DSCAML1: variants seen among roughly 807,000 people sequenced by gnomAD.
DSCAML1 encodes cell adhesion molecule DSCAML1.
In DSCAML1, 38 loss-of-function variants were observed where a neutral mutation model predicts 200.5. The ratio of observed to expected loss-of-function variants is 0.19; its 90% CI spans 0.15 to 0.25. DSCAML1 has a LOEUF of 0.25. DSCAML1 is among the 10% of genes least tolerant of loss of function. DSCAML1 has a pLI of 1.00. For synonymous variants in DSCAML1, 1,215 were observed against 1,165.0 expected (o/e 1.04, Z -0.87); for missense variants, 2,223 against 2,858.8 (o/e 0.78, Z 5.07).
At chr11:117,749,175 C>A (rs1408159799) in intron 3 of DSCAML1, among the ~76,000 whole-genome samples, 1 of 152,186 alleles carries the variant, frequency 6.6e-6, no homozygotes, top group Admixed American at 6.5e-5. Flanking sequence ...GCCCTGGTTC[C>A]CTGGTCCCAA....
At position 117,505,131 on chromosome 11, in the gene DSCAML1, C is replaced by T; in HGVS notation, c.2063-88G>A. The T allele has an allele frequency of 1.3e-6, 2 of 1,528,108 alleles. No individual in the cohort carries two copies. Among genetic ancestry groups the T allele is most frequent in the Non-Finnish European group, 1.8e-6 (2 of 1,133,148 alleles). The allele number at this position is 1,528,108 out of a possible 1,614,324, so 94.7% of individuals were successfully genotyped here. The stretch of plus-strand genomic sequence containing the variant: ...TCGAGCACCTTCTGTTTGAGGTCAG[C>T]CCTGCCCGGGCCATTATAAAGTTGG... On this transcript the variant is annotated intron_variant, in intron 9 of 32. Transcript: ENST00000651296. This position sits in a 1 kb window ranked among gnomAD's most constrained non-coding sequence, Gnocchi z 6.7.
chr11:117,481,833 AG>A (rs1387293382), intron 12 of DSCAML1, 129 bp downstream of exon 12: 2 of 913,126 alleles, frequency 2.2e-6, no homozygotes, highest in African/African-American at 3.4e-5. Flanking sequence ...GGGAAAGGGG[AG>A]GTACATTTTT....
chr11:117,496,242 G>T (rs2049286477), intron 11 of DSCAML1, among the ~76,000 whole-genome samples: 1 of 152,184 alleles, frequency 6.6e-6, no homozygotes, highest in African/African-American at 2.4e-5. Flanking sequence ...TGTTCCTGGA[G>T]GGCAGGGAGG....
chr11:117,812,393 A>G (rs1413236727), intron 1 of DSCAML1, among the ~76,000 whole-genome samples: 1 of 152,124 alleles, frequency 6.6e-6, no homozygotes, highest in Non-Finnish European at 1.5e-5. Context: ...AAGCCTTACA[A>G]GTTAGTTCAG....
At chr11:117,745,808 A>G (rs1353657672) in intron 3 of DSCAML1, among the ~76,000 whole-genome samples, 1 of 152,200 alleles carries the variant, frequency 6.6e-6, no homozygotes, top group Admixed American at 6.5e-5. Flanking sequence ...GTTCCTTGAC[A>G]TCTCCGTGCC....
chr11:117,745,179 G>A lies in DSCAML1; in HGVS notation c.511+31612C>T, dbSNP rs146781782. ...ATCTGGGTGGGGGGGATGACAGCTG[G>A]GAGGGGCACGTGGGAGGCTCACGGA... On this transcript the variant is annotated intron_variant, in intron 3 of 32. Transcript: ENST00000651296. Among the ~76,000 whole-genome samples, 1,329 of 151,452 alleles carry A rather than the reference G, an allele frequency of 8.8e-3. 17 individuals are homozygous for A. The highest frequency in any genetic ancestry group is 0.029 in the East Asian group (149 of 5,096).
chr11:117,513,754 A>G (rs995885962), intron 8 of DSCAML1, among the ~76,000 whole-genome samples: 1 of 151,876 alleles, frequency 6.6e-6, no homozygotes, highest in Non-Finnish European at 1.5e-5. Context: ...AAAAAAAAAA[A>G]AAAAAAAGTC....
At chr11:117,564,642 T>C (rs912310552) in intron 3 of DSCAML1, among the ~76,000 whole-genome samples, 3 of 151,562 alleles carry the variant, frequency 2.0e-5, no homozygotes. Flanking sequence ...TCTCTCTCTC[T>C]CTTTCTTTCT....
rs1457498963 is a variant in DSCAML1 at position 117,470,044 on chromosome 11, T to C, written c.2954-64A>G. On this transcript the variant is annotated intron_variant, in intron 15 of 32. Transcript: ENST00000651296. ...AGACTTGGAAGAGGAAGGGGTTCTA[T>C]GTTCCCACTCCCACCCTCCTGAGCT... The C allele has an allele frequency of 1.0e-5, 15 of 1,446,100 alleles. No individual in the cohort carries two copies. In the African/African-American group the frequency reaches 1.7e-4, roughly 16 times the overall value. 89.6% of individuals were successfully genotyped at this position (1,446,100 alleles called of 1,614,324 possible).
chr11:117,517,070 G>A (rs1317574186), intron 7 of DSCAML1, among the ~76,000 whole-genome samples: 1 of 152,132 alleles, frequency 6.6e-6, no homozygotes, highest in Non-Finnish European at 1.5e-5. Context: ...GAAGTGACTG[G>A]GATTTGGGAG....
At chr11:117,775,062 T>C (rs1246050372) in intron 3 of DSCAML1, among the ~76,000 whole-genome samples, 1 of 152,226 alleles carries the variant, frequency 6.6e-6, no homozygotes, top group African/African-American at 2.4e-5. Context: ...TTTATGTTCT[T>C]TAAATCACCT....
At chr11:117,635,921 C>T (rs2052273319) in intron 3 of DSCAML1, among the ~76,000 whole-genome samples, 1 of 152,124 alleles carries the variant, frequency 6.6e-6, no homozygotes, top group Non-Finnish European at 1.5e-5. Flanking sequence ...AAGGACTTGT[C>T]CAGGGGTGAG....
intron 11 of DSCAML1, among the ~76,000 whole-genome samples, chr11:117,493,295 G>A (rs1295927461): frequency 6.6e-6 from 1 of 150,596 alleles, no homozygotes; most frequent in Non-Finnish European, 1.5e-5. Flanking sequence ...TGGGGACCCA[G>A]TTTTCCCCCT....
chr11:117,596,510 T>C (rs554716665), intron 3 of DSCAML1, among the ~76,000 whole-genome samples: 63 of 152,130 alleles, frequency 4.1e-4, no homozygotes, highest in Non-Finnish European at 8.4e-4. Context: ...ATTTCTATGT[T>C]TGGGTGAAAT....
At chr11:117,633,131 G>T (rs542765674) in intron 3 of DSCAML1, among the ~76,000 whole-genome samples, 75 of 152,168 alleles carry the variant, frequency 4.9e-4, no homozygotes, top group Admixed American at 1.0e-3. Flanking sequence ...GAATTTGGGG[G>T]TGACAACTCC....
rs532380746 is a variant in DSCAML1, at chr11:117,642,978, C to T, written c.512-110456G>A. Reference sequence around the variant, plus strand: ...GAAACGCAAAACTCCTTTGATTTGCCTGTATTGCAATCTTCACTGAAACCT... The same window carrying T: ...GAAACGCAAAACTCCTTTGATTTGCTTGTATTGCAATCTTCACTGAAACCT... On this transcript the variant is annotated intron_variant, in intron 3 of 32. Coordinates refer to ENST00000651296, the MANE Select transcript of DSCAML1 (RefSeq NM_020693.4). This position sits in a 1 kb window ranked among gnomAD's most constrained non-coding sequence, Gnocchi z 4.1. Among the ~76,000 whole-genome samples the T allele has an allele frequency of 3.0e-4, 46 of 152,268 alleles. 2 individuals carry two copies. The South Asian group carries it at 8.9e-3, about 30-fold the overall frequency.
intron 1 of DSCAML1, among the ~76,000 whole-genome samples, chr11:117,810,512 G>A (rs139483480): frequency 0.014 from 2,109 of 151,678 alleles, 48 homozygotes; most frequent in African/African-American, 0.049. Flanking sequence ...CCCCTTCTCC[G>A]TATCTCTACT....
intron 3 of DSCAML1, among the ~76,000 whole-genome samples, chr11:117,649,034 C>CACAT (rs1555194451): frequency 8.1e-6 from 1 of 123,040 alleles, no homozygotes; most frequent in Non-Finnish European, 1.7e-5. Flanking sequence ...TCTCTCTCTC[C>CACAT]ATATATATGT....
At chr11:117,700,367 C>G (rs2053645925) in intron 3 of DSCAML1, among the ~76,000 whole-genome samples, 1 of 152,194 alleles carries the variant, frequency 6.6e-6, no homozygotes, top group Admixed American at 6.5e-5. Flanking sequence ...TCAGACCACA[C>G]CACATCACAT....
Sources: gnomAD v4.1 joint callset for allele counts (sites outside exome capture counted in the v4.1 genomes callset) on GRCh38, gnomAD v4.1.1 for gene constraint, Gnocchi (gnomAD v3.1) non-coding constraint, MANE v1.5 for transcripts, NCBI Gene and HGNC (gene_info 2026-07-23, HGNC 2026-07-21) for gene names.